Variants in VWA3B observed in about 807,000 individuals in gnomAD.
VWA3B encodes the protein von Willebrand factor A domain containing 3B.
In VWA3B, 138 loss-of-function variants were observed where a neutral mutation model predicts 158.3. The observed-to-expected ratio is 0.87, with a 90% confidence interval of 0.76 to 1.00. The LOEUF is 1.00. VWA3B is among the 50% of genes least tolerant of loss of function. The pLI, the probability that VWA3B is intolerant of heterozygous loss-of-function variation, is 0.00. For synonymous variants in VWA3B, 596 were observed against 587.3 expected, an observed-to-expected ratio of 1.01 and a Z score of -0.21; for missense variants, 1,555 against 1,565.1, an observed-to-expected ratio of 0.99 and a Z score of 0.11.
Position 98,248,315 on chromosome 2 carries a change from A to AT in VWA3B, c.2674-1997dup, listed in dbSNP as rs150090102. 7.9e-3 allele frequency among the ~76,000 whole-genome samples: 1,204 copies of AT among 152,168 alleles called. 21 individuals are homozygous for AT. Among genetic ancestry groups the AT allele is most frequent in the African/African-American group, 0.028 (1,141 of 41,464 alleles). ...TAATTTGCTCAGCTATGATTTTGGCATTTTTTGGTGTATACTTGGGAATTC... is the reference window on the plus strand; with the variant it reads ...TAATTTGCTCAGCTATGATTTTGGCATTTTTTTGGTGTATACTTGGGAATTC... On this transcript the variant is annotated intron_variant, in intron 19 of 27. Coordinates refer to ENST00000477737, the MANE Select transcript of VWA3B (RefSeq NM_144992.5).
At position 98,312,592 on chromosome 2, in the gene VWA3B, A is replaced by C; in HGVS notation, c.*243A>C. ...TCCTGTTTTCCCCCTGCACTCACAAAATTGTATTCCATCTTCTGGTAGACG... is the reference window on the plus strand; with the variant it reads ...TCCTGTTTTCCCCCTGCACTCACAACATTGTATTCCATCTTCTGGTAGACG... On this transcript the variant is annotated 3_prime_UTR_variant, in exon 28 of 28. Transcript: ENST00000477737. 2.2e-6 allele frequency: 1 copy of C among 454,334 alleles called. No homozygotes were observed. The highest frequency in any genetic ancestry group is 3.8e-6 in the Non-Finnish European group (1 of 261,124). The allele number at this position is 454,334 out of a possible 1,614,324, so 28.1% of individuals were successfully genotyped here. A position where few individuals can be genotyped will look rare whatever the true frequency, so the allele number is the denominator to read the frequency against.
intron 12 of VWA3B, among the ~76,000 whole-genome samples, chr2:98,209,773 T>C (rs1180595584): frequency 6.6e-6 from 1 of 152,242 alleles, no homozygotes; most frequent in East Asian, 1.9e-4. Flanking sequence ...TTTCTGGTTC[T>C]TGGTATAATG....
At chr2:98,302,287 C>G (rs1298591537) in intron 25 of VWA3B, among the ~76,000 whole-genome samples, 2 of 152,238 alleles carry the variant, frequency 1.3e-5, no homozygotes, top group Non-Finnish European at 2.9e-5. Flanking sequence ...CTCCTGTCCA[C>G]TACACTGCAC....
chr2:98,111,114 C>T (rs1478888079), intron 2 of VWA3B, among the ~76,000 whole-genome samples: 1 of 152,170 alleles, frequency 6.6e-6, no homozygotes, highest in Admixed American at 6.5e-5. Flanking sequence ...CCCTGCTCCC[C>T]CCACCTTTTG....
chr2:98,091,971 T>C (rs1197883631), intron 1 of VWA3B, among the ~76,000 whole-genome samples: 2 of 152,222 alleles, frequency 1.3e-5, no homozygotes, highest in African/African-American at 2.4e-5. Flanking sequence ...ATACACTAGC[T>C]ATATTTAGGC....
intron 19 of VWA3B, among the ~76,000 whole-genome samples, chr2:98,242,644 T>A (rs769210210): frequency 1.3e-5 from 2 of 150,216 alleles, no homozygotes; most frequent in Non-Finnish European, 3.0e-5. Flanking sequence ...CCAGATAGCC[T>A]GGATTGGTGC....
intron 19 of VWA3B, among the ~76,000 whole-genome samples, chr2:98,237,392 T>A (rs1486633864): frequency 6.6e-6 from 1 of 152,082 alleles, no homozygotes; most frequent in East Asian, 1.9e-4. Context: ...TACCTTCTCT[T>A]CCTAAATTGA....
rs991974507 is a variant in VWA3B at position 98,303,572 on chromosome 2, T to C, written c.3421-130T>C. 6 of 803,008 alleles carry C rather than the reference T, an allele frequency of 7.5e-6. No individual in the cohort carries two copies. In the African/African-American group the frequency reaches 1.0e-4, roughly 14 times the overall value. 49.7% of individuals were successfully genotyped at this position (803,008 alleles called of 1,614,324 possible). A position where few individuals can be genotyped will look rare whatever the true frequency, so the allele number is the denominator to read the frequency against. On this transcript the variant is annotated intron_variant, in intron 25 of 27. Transcript: ENST00000477737. ...AAGTGAGGGTCTGAATTTGAACTAC[T>C]CTTTTAAGTGTCACCCTGAATAGGA...
intron 2 of VWA3B, among the ~76,000 whole-genome samples, chr2:98,096,295 G>A (rs529356066): frequency 6.6e-6 from 1 of 151,650 alleles, no homozygotes; most frequent in African/African-American, 2.4e-5. Flanking sequence ...TAAAGATGGA[G>A]TCTTGCTTTG....
the VWA3B span, among the ~76,000 whole-genome samples, chr2:98,321,400 C>A: frequency 1.3e-5 from 2 of 152,146 alleles, no homozygotes; most frequent in African/African-American, 2.4e-5. Context: ...AATGGTAGGT[C>A]CACCAACAGC....
At chr2:98,171,446 G>C (rs1236615485) in intron 8 of VWA3B, among the ~76,000 whole-genome samples, 2 of 152,132 alleles carry the variant, frequency 1.3e-5, no homozygotes, top group Non-Finnish European at 2.9e-5. Flanking sequence ...ATGCCAGGAA[G>C]AAGAATAGCA....
chr2:98,209,675 G>A (rs1288681373), intron 12 of VWA3B, among the ~76,000 whole-genome samples: 1 of 152,160 alleles, frequency 6.6e-6, no homozygotes, highest in Non-Finnish European at 1.5e-5. Context: ...GGTATGAATA[G>A]TATTAGCTCT....
At chr2:98,104,560 C>T (rs1185482541) in intron 2 of VWA3B, among the ~76,000 whole-genome samples, 1 of 152,194 alleles carries the variant, frequency 6.6e-6, no homozygotes, top group Non-Finnish European at 1.5e-5. Flanking sequence ...TTAGGCTTCA[C>T]CTCCAACATT....
chr2:98,278,535 C>T (rs1441694138), intron 22 of VWA3B, among the ~76,000 whole-genome samples: 1 of 150,964 alleles, frequency 6.6e-6, no homozygotes, highest in Non-Finnish European at 1.5e-5. Context: ...GAAAGTGACT[C>T]TCAGCAGGAT....
At chr2:98,277,025 G>A (rs973446537) in intron 22 of VWA3B, among the ~76,000 whole-genome samples, 2 of 151,946 alleles carry the variant, frequency 1.3e-5, no homozygotes, top group Non-Finnish European at 2.9e-5. Context: ...CAGCTTCCAC[G>A]GGCAGTTCCT....
At chr2:98,187,851 G>C (rs1466156) in intron 9 of VWA3B, 124 bp from the exon 10 acceptor site, 3 of 1,037,470 alleles carry the variant, frequency 2.9e-6, no homozygotes, top group Non-Finnish European at 4.0e-6. Flanking sequence ...ACTAACAAAG[G>C]AATGATTGAC....
At chr2:98,122,401 T>C (rs186349004) in intron 5 of VWA3B, among the ~76,000 whole-genome samples, 1 of 152,360 alleles carries the variant, frequency 6.6e-6, no homozygotes, top group Non-Finnish European at 1.5e-5. Context: ...TCTTGAAAGA[T>C]AGCCCCCAGT....
At chr2:98,215,478 GT>G (rs1321423463) in intron 13 of VWA3B, among the ~76,000 whole-genome samples, 1 of 151,572 alleles carries the variant, frequency 6.6e-6, no homozygotes, top group East Asian at 1.9e-4. Flanking sequence ...AAAAGATGGA[GT>G]CAGAAATGTG....
At chr2:98,167,629 G>A (rs185476689) in intron 8 of VWA3B, among the ~76,000 whole-genome samples, 107 of 152,330 alleles carry the variant, frequency 7.0e-4, no homozygotes, top group African/African-American at 2.5e-3. Flanking sequence ...AAGTACCAGA[G>A]AGGAGACAGA....
Sources: allele counts gnomAD v4.1 joint callset (sites outside exome capture counted in the v4.1 genomes callset), GRCh38; gene constraint gnomAD v4.1.1; transcripts MANE v1.5; gene names NCBI Gene and HGNC (gene_info 2026-07-23, HGNC 2026-07-21).